PTPRC: variants seen among roughly 807,000 people sequenced by gnomAD.
PTPRC encodes receptor-type tyrosine-protein phosphatase C.
In PTPRC, 44 loss-of-function variants were observed where a neutral mutation model predicts 155.9. That is an observed-to-expected ratio of 0.28 (90% CI 0.22 to 0.36). PTPRC has a LOEUF of 0.36. Ranked by LOEUF, PTPRC falls within the 10% of genes least tolerant of loss-of-function variation. The pLI, the probability that PTPRC is intolerant of heterozygous loss-of-function variation, is 1.00. For missense variants in PTPRC, 1,401 were observed against 1,564.6 expected (o/e 0.90, Z 1.76); for synonymous variants, 525 against 533.1 (o/e 0.98, Z 0.21).
chr1:198,692,961 C>A, intron 3 of PTPRC: 1 of 924,362 alleles, frequency 1.1e-6, no homozygotes, highest in Non-Finnish European at 1.3e-6. Flanking sequence ...ATAGTACATA[C>A]AAAATAAGAG....
chr1:198,661,611 T>A (rs1280460600), intron 2 of PTPRC, among the ~76,000 whole-genome samples: 1 of 152,008 alleles, frequency 6.6e-6, no homozygotes, highest in African/African-American at 2.4e-5. Flanking sequence ...TAAATAATAA[T>A]ACTCATAACA....
chr1:198,736,275 G>T (rs1654633054), intron 23 of PTPRC, among the ~76,000 whole-genome samples: 1 of 151,378 alleles, frequency 6.6e-6, no homozygotes, highest in Non-Finnish European at 1.5e-5. Flanking sequence ...CAAATACAAG[G>T]TCTTATTCAT....
At position 198,668,087 on chromosome 1, in the gene PTPRC, G is replaced by T. The variant is rs143275496; in HGVS notation, c.74-24260G>T. Among the ~76,000 whole-genome samples the T allele has an allele frequency of 3.3e-5, 5 of 152,258 alleles. No homozygotes were observed. In the East Asian group the frequency reaches 5.8e-4, roughly 18 times the overall value. The stretch of plus-strand genomic sequence containing the variant: ...AGAATAATGATTGTTAGAGTGGCAG[G>T]GATGATCTTATAGAAATAAACATTG... On this transcript the variant is annotated intron_variant, in intron 2 of 32. Transcript: ENST00000442510.
rs950960179 is a variant in PTPRC, at chr1:198,754,462, G to A, written c.3645+58G>A. ...TCGGAATTTTTTTTTTCTTTTTGACGGTTTCCTTTTTTCTTTTCTCCTCTC... is the reference window on the plus strand; with the variant it reads ...TCGGAATTTTTTTTTTCTTTTTGACAGTTTCCTTTTTTCTTTTCTCCTCTC... On this transcript the variant is annotated intron_variant, in intron 32 of 32. Coordinates refer to ENST00000442510, the MANE Select transcript of PTPRC (RefSeq NM_002838.5). The A allele has an allele frequency of 1.4e-5, 22 of 1,584,218 alleles. No homozygotes were observed. The Admixed American group carries it at 2.9e-4, about 21-fold the overall frequency.
chr1:198,644,134 T>C (rs1294632341), intron 2 of PTPRC, among the ~76,000 whole-genome samples: 1 of 151,936 alleles, frequency 6.6e-6, no homozygotes, highest in Admixed American at 6.6e-5. Flanking sequence ...GATTTTTTTT[T>C]CTAGACATCT....
chr1:198,752,223 T>C, intron 29 of PTPRC, 26 bp from the exon 30 acceptor site: 2 of 1,605,006 alleles, frequency 1.2e-6, no homozygotes, highest in Non-Finnish European at 1.7e-6. Context: ...AGGAAACAAA[T>C]TGTTGAATTG....
At chr1:198,669,935 C>T (rs1356100694) in intron 2 of PTPRC, among the ~76,000 whole-genome samples, 1 of 152,156 alleles carries the variant, frequency 6.6e-6, no homozygotes, top group African/African-American at 2.4e-5. Context: ...TTTTCTTTGG[C>T]ATCACCCAAA....
At chr1:198,652,101 G>A (rs182838868) in intron 2 of PTPRC, among the ~76,000 whole-genome samples, 153 of 151,868 alleles carry the variant, frequency 1.0e-3, no homozygotes, top group Admixed American at 1.8e-3. Flanking sequence ...GTTGAAAAAA[G>A]GGCGCATCAG....
At chr1:198,745,570 G>A (rs1655102408) in intron 26 of PTPRC, among the ~76,000 whole-genome samples, 1 of 151,748 alleles carries the variant, frequency 6.6e-6, no homozygotes, top group Admixed American at 6.6e-5. Context: ...CCTAGGCAGA[G>A]GCAGTAAGAT....
At chr1:198,667,607 A>G (rs12145132) in intron 2 of PTPRC, among the ~76,000 whole-genome samples, 24,652 of 152,262 alleles carry the variant, frequency 0.16, 2,113 homozygotes, top group South Asian at 0.19. Context: ...TAGCTGTGCT[A>G]TTGAATACTT....
At position 198,748,244 on chromosome 1, in the gene PTPRC, C is replaced by T. The variant is rs778331502; in HGVS notation, c.2938+45C>T. Reference sequence around the variant, plus strand: ...ATTTTTTGTATCAGATAAAGTTAAGCTCTTTTGGATTTGTTTAATGTGGGA... The same window carrying T: ...ATTTTTTGTATCAGATAAAGTTAAGTTCTTTTGGATTTGTTTAATGTGGGA... On this transcript the variant is annotated intron_variant, in intron 27 of 32. Coordinates refer to ENST00000442510, the MANE Select transcript of PTPRC (RefSeq NM_002838.5). 4 of 1,560,166 alleles carry T rather than the reference C, an allele frequency of 2.6e-6. No homozygotes were observed. The African/African-American group carries it at 4.2e-5, about 16-fold the overall frequency.
At chr1:198,743,526 A>C (rs1005765047) in intron 25 of PTPRC, among the ~76,000 whole-genome samples, 1 of 151,842 alleles carries the variant, frequency 6.6e-6, no homozygotes, top group Admixed American at 6.6e-5. Flanking sequence ...ACTGGATTCA[A>C]ACAAAATAAG....
intron 9 of PTPRC, among the ~76,000 whole-genome samples, chr1:198,707,297 C>G (rs1435664832): frequency 6.6e-6 from 1 of 152,134 alleles, no homozygotes; most frequent in Non-Finnish European, 1.5e-5. Flanking sequence ...TATATTTATT[C>G]TTTTAAGTAC....
chr1:198,702,851 G>T (rs186509470), intron 6 of PTPRC, among the ~76,000 whole-genome samples: 44 of 152,250 alleles, frequency 2.9e-4, no homozygotes, highest in South Asian at 4.1e-4. Flanking sequence ...AATACTTTCT[G>T]CATATCAGAT....
At position 198,742,043 on chromosome 1, in the gene PTPRC, A is replaced by C. The variant is rs1654923907; in HGVS notation, c.2561+17A>C. 1 of 1,520,058 alleles carries C rather than the reference A, an allele frequency of 6.6e-7. No individual in the cohort carries two copies. Among genetic ancestry groups the C allele is most frequent in the Non-Finnish European group, 9.0e-7 (1 of 1,112,366 alleles). 94.2% of individuals were successfully genotyped at this position (1,520,058 alleles called of 1,614,324 possible). On this transcript the variant is annotated intron_variant, in intron 24 of 32. Coordinates refer to ENST00000442510, the MANE Select transcript of PTPRC (RefSeq NM_002838.5). ...GCACTGCAGGTAGGAAAAACGAACA[A>C]AAAAAAAAAACAACAACAAAAAAAC...
chr1:198,674,434 A>T (rs1251143630), intron 2 of PTPRC, among the ~76,000 whole-genome samples: 3 of 151,404 alleles, frequency 2.0e-5, no homozygotes, highest in Non-Finnish European at 4.4e-5. Flanking sequence ...CAATGTCAGG[A>T]TGGATAACAT....
intron 2 of PTPRC, among the ~76,000 whole-genome samples, chr1:198,677,068 T>C (rs1488898905): frequency 1.3e-5 from 2 of 152,218 alleles, no homozygotes; most frequent in Non-Finnish European, 2.9e-5. Context: ...CTACCATTGA[T>C]GGTCACTGAG....
At chr1:198,716,649 GACTT>G (rs1558018263) in intron 12 of PTPRC, 29 bp from the exon 13 acceptor site, 4 of 1,597,678 alleles carry the variant, frequency 2.5e-6, no homozygotes, top group South Asian at 1.1e-5. Flanking sequence ...GACTTTTAAC[GACTT>G]ACTAATTTTT....
Position 198,731,901 on chromosome 1 carries a change from C to T in PTPRC, c.1974+175C>T, listed in dbSNP as rs72738075. On this transcript the variant is annotated intron_variant, in intron 18 of 32. Transcript: ENST00000442510. ...CAGAAGAGAGACTCATAGAGGTTGACGGGATTATAGTGTAGAGCTAGTAAA... is the reference window on the plus strand; with the variant it reads ...CAGAAGAGAGACTCATAGAGGTTGATGGGATTATAGTGTAGAGCTAGTAAA... Among the ~76,000 whole-genome samples the T allele has an allele frequency of 0.014, 2,058 of 151,932 alleles. 26 individuals are homozygous for T. The highest frequency in any genetic ancestry group is 0.016 in the Non-Finnish European group (1,079 of 67,912).
Sources: gnomAD v4.1 joint callset for allele counts (sites outside exome capture counted in the v4.1 genomes callset) on GRCh38, gnomAD v4.1.1 for gene constraint, MANE v1.5 for transcripts, NCBI Gene and HGNC (gene_info 2026-07-23, HGNC 2026-07-21) for gene names.